The following LHFPL4 variants were observed in gnomAD, a reference collection of about 807,000 sequenced individuals.
The protein encoded by LHFPL4 is LHFPL tetraspan subfamily member 4.
A neutral mutation model predicts 20.0 loss-of-function variants in LHFPL4; 6 were observed. The ratio of observed to expected loss-of-function variants is 0.30; its 90% CI spans 0.16 to 0.59. The LOEUF (loss-of-function observed/expected upper bound fraction) is 0.59, where lower values mean the gene tolerates loss of function less well. Among genes scored for constraint, LHFPL4 ranks in the 20% least tolerant of loss-of-function variants. The pLI is 0.88. For missense variants in LHFPL4, 215 were observed against 331.2 expected (o/e 0.65, Z 2.72); for synonymous variants, 129 against 143.8 (o/e 0.90, Z 0.74).
At position 9,552,712 on chromosome 3, in the gene LHFPL4, G is replaced by T; in HGVS notation, c.-33C>A. ...GGAGGCGGGGCCGGCGGCGGCGGCG[G>T]CTGGCGGGGGCCGCCGGCCCGGGAC... On this transcript the variant is annotated 5_prime_UTR_variant, in exon 2 of 4. Transcript: ENST00000287585. The T allele has an allele frequency of 1.6e-6, 2 of 1,245,478 alleles. No homozygotes were observed. Among genetic ancestry groups the T allele is most frequent in the Non-Finnish European group, 2.0e-6 (2 of 989,130 alleles). 77.2% of individuals were successfully genotyped at this position (1,245,478 alleles called of 1,614,324 possible). A position where few individuals can be genotyped will look rare whatever the true frequency, so the allele number is the denominator to read the frequency against.
intron 2 of LHFPL4, among the ~76,000 whole-genome samples, chr3:9,524,009 T>G (rs1026839507): frequency 7.1e-6 from 1 of 140,204 alleles, no homozygotes; most frequent in Non-Finnish European, 1.6e-5. Flanking sequence ...CTTTAAATAT[T>G]TCACTCCATT....
At chr3:9,539,454 C>CAAAAA (rs57211005) in intron 2 of LHFPL4, among the ~76,000 whole-genome samples, 98 of 109,416 alleles carry the variant, frequency 9.0e-4, no homozygotes, top group East Asian at 5.9e-3. Flanking sequence ...AACTTCGTCT[C>CAAAAA]AAAAAAAAAA....
intron 2 of LHFPL4, among the ~76,000 whole-genome samples, chr3:9,511,852 G>C (rs2046263075): frequency 6.6e-6 from 1 of 151,996 alleles, no homozygotes; most frequent in African/African-American, 2.4e-5. Context: ...GATGCATCTT[G>C]CATGTGTCTG....
intron 2 of LHFPL4, among the ~76,000 whole-genome samples, chr3:9,512,090 A>G (rs1208085314): frequency 6.6e-6 from 1 of 151,994 alleles, no homozygotes. Context: ...CCGCCACCAC[A>G]CCTGGCTAAT....
At chr3:9,502,761 T>C (rs1437442312) in intron 3 of LHFPL4, among the ~76,000 whole-genome samples, 1 of 151,258 alleles carries the variant, frequency 6.6e-6, no homozygotes, top group Non-Finnish European at 1.5e-5. Context: ...GCTGAAATCC[T>C]AGCCTCACCT....
intron 2 of LHFPL4, among the ~76,000 whole-genome samples, chr3:9,545,104 G>A (rs1252693870): frequency 6.6e-6 from 1 of 151,696 alleles, no homozygotes; most frequent in Admixed American, 6.6e-5. Context: ...AGAAACACAA[G>A]AAGAGGGGTG....
At chr3:9,542,647 A>G (rs7630194) in intron 2 of LHFPL4, among the ~76,000 whole-genome samples, 47,957 of 151,662 alleles carry the variant, frequency 0.32, 8,051 homozygotes, top group Non-Finnish European at 0.37. Context: ...TTTCTACCAA[A>G]GTTTTAAAAA....
At chr3:9,551,200 G>A (rs1553650101) in intron 2 of LHFPL4, 1 of 152,172 alleles carries the variant, frequency 6.6e-6, no homozygotes. Context: ...GTCTCTTTTG[G>A]AATGGCAGTC....
chr3:9,514,583 A>G (rs2046285250), intron 2 of LHFPL4, among the ~76,000 whole-genome samples: 1 of 152,214 alleles, frequency 6.6e-6, no homozygotes, highest in Non-Finnish European at 1.5e-5. Context: ...CAAATGTGTA[A>G]TGACGTTTAT....
chr3:9,499,479 C>A lies in LHFPL4; in HGVS notation c.*2732G>T. The A allele has an allele frequency of 6.6e-6, 1 of 152,614 alleles. No individual in the cohort carries two copies. The allele number at this position is 152,614 out of a possible 1,614,324, so 9.5% of individuals were successfully genotyped here. On this transcript the variant is annotated 3_prime_UTR_variant, in exon 4 of 4. Transcript: ENST00000287585. ...CTCCAAACTCCCTGGTGCATCTCCC[C>A]CTGGCTCTGCCAAGATGGCAGCTGG...
intron 2 of LHFPL4, among the ~76,000 whole-genome samples, chr3:9,540,452 T>G (rs149300539): frequency 6.6e-6 from 1 of 152,194 alleles, no homozygotes. Flanking sequence ...TTACTTCTTG[T>G]AATAGAGTGT....
At chr3:9,547,887 C>T (rs1299287854) in intron 2 of LHFPL4, among the ~76,000 whole-genome samples, 1 of 152,096 alleles carries the variant, frequency 6.6e-6, no homozygotes, top group Non-Finnish European at 1.5e-5. Context: ...CTCACTGCAA[C>T]CTCCGCCTCC....
At chr3:9,528,814 C>A (rs142515711) in intron 2 of LHFPL4, among the ~76,000 whole-genome samples, 6 of 151,828 alleles carry the variant, frequency 4.0e-5, no homozygotes, top group Admixed American at 3.9e-4. Context: ...GGGGTTTCAC[C>A]GTGTTAGCCA....
At chr3:9,511,788 T>C (rs1350315899) in intron 2 of LHFPL4, among the ~76,000 whole-genome samples, 1 of 152,154 alleles carries the variant, frequency 6.6e-6, no homozygotes, top group Admixed American at 6.5e-5. Flanking sequence ...AACTTTCTCC[T>C]TAAAGTTATG....
intron 2 of LHFPL4, among the ~76,000 whole-genome samples, chr3:9,548,234 T>C (rs749176080): frequency 1.3e-5 from 2 of 152,212 alleles, no homozygotes; most frequent in Non-Finnish European, 2.9e-5. Flanking sequence ...ACAATATGAA[T>C]AATGGTACCT....
Position 9,506,192 on chromosome 3 carries a change from C to G in LHFPL4, c.418G>C (p.Val140Leu). 6 of 1,613,996 alleles carry G rather than the reference C, an allele frequency of 3.7e-6. No individual in the cohort carries two copies. The highest frequency in any genetic ancestry group is 5.1e-6 in the Non-Finnish European group (6 of 1,179,922). ...TCAGGAAAGATCATGCAGCCCAGGA[C>G]GAGGCACAGAGCTGAGGGGCAGAGC... ...WMQLLAALCL[V>L]LGCMIFPDGW... is the part of the protein sequence containing the mutation. The change falls in exon 3 of 4, where the codon GTC becomes CTC. Residue 140 changes from valine (V) to leucine (L), a missense_variant. Physicochemically the swap from Val to Leu is conservative, Grantham distance 32. This residue lies in a region of LHFPL4 where 164 missense variants were observed against 286.7 expected (regional missense o/e 0.57). Transcript: ENST00000287585. The surrounding 1 kb of genome is among the most constrained non-coding windows in gnomAD (Gnocchi z 4.5).
At chr3:9,511,011 A>G (rs2046255953) in intron 2 of LHFPL4, among the ~76,000 whole-genome samples, 1 of 151,970 alleles carries the variant, frequency 6.6e-6, no homozygotes, top group South Asian at 2.1e-4. Flanking sequence ...TATGTGCCAG[A>G]GTGCTAAGTT....
At chr3:9,530,445 T>C (rs2046401868) in intron 2 of LHFPL4, among the ~76,000 whole-genome samples, 1 of 152,208 alleles carries the variant, frequency 6.6e-6, no homozygotes, top group African/African-American at 2.4e-5. Flanking sequence ...TTCTGCAGCT[T>C]CCTCACCTCT....
At chr3:9,544,026 G>A (rs377016277) in intron 2 of LHFPL4, among the ~76,000 whole-genome samples, 1 of 152,038 alleles carries the variant, frequency 6.6e-6, no homozygotes, top group East Asian at 1.9e-4. Context: ...CCCAGCCTGG[G>A]GTAATTTGTT....
Sources: gnomAD v4.1 joint callset for allele counts (sites outside exome capture counted in the v4.1 genomes callset) on GRCh38, gnomAD v4.1.1 for gene constraint, gnomAD v4.1.1 regional missense constraint, Gnocchi (gnomAD v3.1) non-coding constraint, MANE v1.5 for transcripts, NCBI Gene and HGNC (gene_info 2026-07-23, HGNC 2026-07-21) for gene names.